The following NLGN1 variants were observed in gnomAD, a reference collection of about 807,000 sequenced individuals.
NLGN1 encodes the protein neuroligin-1.
NLGN1 carries 12 observed loss-of-function variants against 65.5 expected under a neutral mutation model. The observed-to-expected ratio is 0.18, with a 90% CI of 0.12 to 0.30. The LOEUF (loss-of-function observed/expected upper bound fraction) is 0.30, where lower values mean the gene tolerates loss of function less well. NLGN1 is among the 10% of genes least tolerant of loss of function. NLGN1 has a pLI of 1.00. For synonymous variants in NLGN1, 350 were observed against 359.5 expected, an observed-to-expected ratio of 0.97 and a Z score of 0.30; for missense variants, 750 against 1,007.1, an observed-to-expected ratio of 0.74 and a Z score of 3.46.
chr3:174,118,443 T>C (rs995434755), intron 4 of NLGN1, among the ~76,000 whole-genome samples: 7 of 152,064 alleles, frequency 4.6e-5, no homozygotes, highest in Non-Finnish European at 7.4e-5. Flanking sequence ...TTAAAACAAA[T>C]AATAAGAAGA....
At chr3:174,233,300 C>A (rs552704513) in intron 4 of NLGN1, among the ~76,000 whole-genome samples, 11 of 152,092 alleles carry the variant, frequency 7.2e-5, no homozygotes, top group African/African-American at 2.7e-4. Context: ...GCCTGACCAA[C>A]ATGGAGAACC....
intron 4 of NLGN1, among the ~76,000 whole-genome samples, chr3:173,835,349 TC>T (rs1478728251): frequency 6.6e-6 from 1 of 152,168 alleles, no homozygotes; most frequent in African/African-American, 2.4e-5. Flanking sequence ...TAATAAAAGA[TC>T]TTTTTATTTT....
intron 4 of NLGN1, among the ~76,000 whole-genome samples, chr3:173,836,236 G>C: frequency 6.6e-6 from 1 of 152,202 alleles, no homozygotes; most frequent in East Asian, 1.9e-4. Context: ...ATCAAGCATT[G>C]TGATAATTCT....
At chr3:173,819,591 C>T (rs1327433632) in intron 4 of NLGN1, among the ~76,000 whole-genome samples, 1 of 152,156 alleles carries the variant, frequency 6.6e-6, no homozygotes, top group African/African-American at 2.4e-5. Flanking sequence ...GCTCTATTAT[C>T]TTTCTCCCTT....
In NLGN1 at chr3:174,280,424, G is replaced by A. The variant is rs1751344212; in HGVS notation, c.1650-57G>A. ...TAATTATTAGATGTTAAAGTAGTGT[G>A]ATTTTAAGTAAAAAATAAAATAGCT... is the stretch of plus-strand genomic sequence containing the variant. On this transcript the variant is annotated intron_variant, in intron 6 of 6. Transcript: ENST00000457714. The surrounding 1 kb of genome is among the most constrained non-coding windows in gnomAD (Gnocchi z 4.9). The A allele has an allele frequency of 8.3e-7, 1 of 1,201,912 alleles. No homozygotes were observed. Among genetic ancestry groups the A allele is most frequent in the Non-Finnish European group, 1.2e-6 (1 of 854,996 alleles). 74.5% of individuals were successfully genotyped at this position (1,201,912 alleles called of 1,614,324 possible).
At chr3:173,913,609 C>A (rs16831865) in intron 4 of NLGN1, among the ~76,000 whole-genome samples, 2,073 of 152,170 alleles carry the variant, frequency 0.014, 67 homozygotes, top group African/African-American at 0.043. Context: ...TCTCAACATC[C>A]CAGCTAAACT....
rs1240791451 is a variant in NLGN1 at position 174,272,684 on chromosome 3, TAGA to T, written c.647-2630_647-2628del. Among the ~76,000 whole-genome samples the T allele has an allele frequency of 3.1e-3, 470 of 149,822 alleles. 1 individual carries two copies. The highest frequency in any genetic ancestry group is 0.011 in the African/African-American group (446 of 40,780). Reference sequence around the variant, plus strand: ...ATGGATGGATAGATAGATAGATAGATAGATAGATAGATAGATAGATAGATATAG... The same window carrying T: ...ATGGATGGATAGATAGATAGATAGATTAGATAGATAGATAGATAGATATAG... On this transcript the variant is annotated intron_variant, in intron 4 of 6. Transcript: ENST00000457714.
At chr3:173,492,917 T>C (rs1032560517) in intron 2 of NLGN1, among the ~76,000 whole-genome samples, 1 of 151,736 alleles carries the variant, frequency 6.6e-6, no homozygotes, top group Non-Finnish European at 1.5e-5. Flanking sequence ...AGTATCTCCT[T>C]AGGAATCCTG....
At chr3:173,416,643 C>T (rs1306607034) in intron 1 of NLGN1, among the ~76,000 whole-genome samples, 1 of 152,136 alleles carries the variant, frequency 6.6e-6, no homozygotes, top group African/African-American at 2.4e-5. Flanking sequence ...AATATACCTA[C>T]AAAACAATGT....
chr3:174,214,451 C>T (rs888086820), intron 4 of NLGN1, among the ~76,000 whole-genome samples: 3 of 152,138 alleles, frequency 2.0e-5, no homozygotes, highest in Admixed American at 2.0e-4. Flanking sequence ...ATGTTAATAA[C>T]TACTTTACCT....
At chr3:174,058,814 T>C (rs1377808304) in intron 4 of NLGN1, among the ~76,000 whole-genome samples, 1 of 152,066 alleles carries the variant, frequency 6.6e-6, no homozygotes, top group Non-Finnish European at 1.5e-5. Flanking sequence ...TTAAGAGGCA[T>C]ATTTGTATGT....
At chr3:173,423,638 C>A (rs1715541826) in intron 1 of NLGN1, among the ~76,000 whole-genome samples, 1 of 152,204 alleles carries the variant, frequency 6.6e-6, no homozygotes, top group Non-Finnish European at 1.5e-5. Flanking sequence ...CCATGTCTCA[C>A]ATCCAGGGCA....
intron 4 of NLGN1, among the ~76,000 whole-genome samples, chr3:173,946,695 C>T (rs1482676753): frequency 6.6e-6 from 1 of 152,130 alleles, no homozygotes; most frequent in Non-Finnish European, 1.5e-5. Context: ...CTTGTACTTC[C>T]GCTAGCAGAG....
chr3:174,131,692 A>G (rs1296285327), intron 4 of NLGN1, among the ~76,000 whole-genome samples: 1 of 152,232 alleles, frequency 6.6e-6, no homozygotes, highest in African/African-American at 2.4e-5. Context: ...GACTCAAATC[A>G]GGACACTACC....
At chr3:173,836,336 TATTC>T (rs1432078281) in intron 4 of NLGN1, among the ~76,000 whole-genome samples, 1 of 152,242 alleles carries the variant, frequency 6.6e-6, no homozygotes, top group East Asian at 1.9e-4. Flanking sequence ...ATAAAACAAT[TATTC>T]ATTGGGGTTA....
chr3:173,782,163 C>T (rs1286139021), intron 3 of NLGN1, among the ~76,000 whole-genome samples: 2 of 151,700 alleles, frequency 1.3e-5, no homozygotes, highest in East Asian at 1.9e-4. Flanking sequence ...AAATTAGACA[C>T]GAAATCTAAC....
chr3:174,253,979 A>G (rs892376314), intron 4 of NLGN1, among the ~76,000 whole-genome samples: 4 of 152,184 alleles, frequency 2.6e-5, no homozygotes, highest in African/African-American at 9.6e-5. Context: ...CAATATCACC[A>G]TGTTGCTTAA....
chr3:173,900,918 G>A (rs758412119), intron 4 of NLGN1, among the ~76,000 whole-genome samples: 10 of 151,906 alleles, frequency 6.6e-5, no homozygotes, highest in Non-Finnish European at 1.2e-4. Context: ...ATGAAATGAC[G>A]TTTTCAAGGT....
At chr3:174,073,466 G>T (rs1580144613) in intron 4 of NLGN1, among the ~76,000 whole-genome samples, 2 of 152,112 alleles carry the variant, frequency 1.3e-5, no homozygotes, top group Admixed American at 1.3e-4. Flanking sequence ...AGCTAATGAG[G>T]TTTAACTAAA....
Sources: gnomAD v4.1 joint callset for allele counts (sites outside exome capture counted in the v4.1 genomes callset) on GRCh38, gnomAD v4.1.1 for gene constraint, Gnocchi (gnomAD v3.1) non-coding constraint, MANE v1.5 for transcripts, NCBI Gene and HGNC (gene_info 2026-07-23, HGNC 2026-07-21) for gene names.